Variants in MLLT10 observed in about 807,000 individuals in gnomAD.
MLLT10 encodes the protein protein AF-10.
Under a neutral mutation model 129.1 loss-of-function variants are expected in MLLT10, and 30 were observed. That is an observed-to-expected ratio of 0.23 (90% CI 0.17 to 0.32). The LOEUF (loss-of-function observed/expected upper bound fraction) is 0.32. Ranked by LOEUF, MLLT10 falls within the 10% of genes least tolerant of loss-of-function variation. MLLT10 has a pLI of 1.00. For missense variants in MLLT10, 1,119 were observed against 1,268.3 expected, an observed-to-expected ratio of 0.88 and a Z score of 1.79; for synonymous variants, 490 against 446.4, an observed-to-expected ratio of 1.10 and a Z score of -1.23.
At chr10:21,596,330 T>A (rs1179784283) in intron 5 of MLLT10, among the ~76,000 whole-genome samples, 1 of 152,146 alleles carries the variant, frequency 6.6e-6, no homozygotes, top group Non-Finnish European at 1.5e-5. Flanking sequence ...AGTCAATAAA[T>A]TGTGTTTCTG....
intron 8 of MLLT10, among the ~76,000 whole-genome samples, chr10:21,636,522 TA>T (rs1234759901): frequency 6.6e-6 from 1 of 152,168 alleles, no homozygotes; most frequent in Non-Finnish European, 1.5e-5. Context: ...AAAGCTGATC[TA>T]TATTTTTTAT....
At chr10:21,632,195 T>C (rs2047073669) in intron 8 of MLLT10, among the ~76,000 whole-genome samples, 1 of 152,186 alleles carries the variant, frequency 6.6e-6, no homozygotes, top group African/African-American at 2.4e-5. Context: ...AACAGTAATA[T>C]AGTGTGCATC....
At chr10:21,709,711 C>CTA (rs1379891220) in intron 13 of MLLT10, among the ~76,000 whole-genome samples, 1 of 152,082 alleles carries the variant, frequency 6.6e-6, no homozygotes, top group African/African-American at 2.4e-5. Flanking sequence ...TTTTCTGGCC[C>CTA]TCTTAGCCAA....
chr10:21,587,953 G>GACTTATTT (rs1349669903), intron 4 of MLLT10, among the ~76,000 whole-genome samples: 1 of 152,114 alleles, frequency 6.6e-6, no homozygotes, highest in Non-Finnish European at 1.5e-5. Context: ...TGTGAATAAA[G>GACTTATTT]ACTTATTTAC....
chr10:21,695,061 C>CTT (rs71393922), intron 13 of MLLT10, among the ~76,000 whole-genome samples: 66 of 104,034 alleles, frequency 6.3e-4, no homozygotes, highest in African/African-American at 1.9e-3. Flanking sequence ...TTTCTACCTT[C>CTT]TTTTTTTTTT....
chr10:21,645,119 C>T (rs969949676), intron 8 of MLLT10, among the ~76,000 whole-genome samples: 2 of 152,084 alleles, frequency 1.3e-5, no homozygotes, highest in Non-Finnish European at 2.9e-5. Flanking sequence ...TTGGGACTTT[C>T]GGTTATATTC....
intron 13 of MLLT10, among the ~76,000 whole-genome samples, chr10:21,683,833 G>A (rs1470602768): frequency 2.0e-5 from 3 of 151,420 alleles, no homozygotes; most frequent in South Asian, 2.1e-4. Flanking sequence ...TGCAACCTCC[G>A]CCTCCTGGGT....
In MLLT10 at chr10:21,612,703, A is replaced by C. The variant is rs528341744; in HGVS notation, c.509+252A>C. ...TAAGCTTCAGTTTCGTCTTGTTTAA[A>C]ATTTTGGTATTGATTACCTATCCTT... On this transcript the variant is annotated intron_variant, in intron 6 of 22. Transcript: ENST00000307729. 6.6e-5 allele frequency among the ~76,000 whole-genome samples: 10 copies of C among 152,240 alleles called. No individual in the cohort carries two copies. In the South Asian group the frequency reaches 2.1e-3, roughly 32 times the overall value.
chr10:21,633,035 GTA>G (rs1197901980), intron 8 of MLLT10, among the ~76,000 whole-genome samples: 1 of 152,122 alleles, frequency 6.6e-6, no homozygotes, highest in African/African-American at 2.4e-5. Flanking sequence ...TAAAAGATGT[GTA>G]TATGATTGTT....
chr10:21,687,224 A>G (rs887695313), intron 13 of MLLT10, among the ~76,000 whole-genome samples: 1 of 152,190 alleles, frequency 6.6e-6, no homozygotes, highest in African/African-American at 2.4e-5. Flanking sequence ...AGTTGATTTT[A>G]GAGGTGAACA....
chr10:21,696,289 G>A (rs147449963), intron 13 of MLLT10, among the ~76,000 whole-genome samples: 290 of 151,532 alleles, frequency 1.9e-3, no homozygotes, highest in South Asian at 0.015. Flanking sequence ...TTGTGGACTC[G>A]GGTATTTGTT....
chr10:21,719,283 CTTAA>C (rs1371156294), intron 14 of MLLT10, among the ~76,000 whole-genome samples: 1 of 152,128 alleles, frequency 6.6e-6, no homozygotes, highest in Non-Finnish European at 1.5e-5. Flanking sequence ...TATGTTTATA[CTTAA>C]TTAGTCAGAA....
intron 8 of MLLT10, chr10:21,625,794 C>T (rs2046372836): frequency 1.3e-6 from 1 of 768,270 alleles, no homozygotes; most frequent in Non-Finnish European, 2.4e-6. Flanking sequence ...TGTGCAGCTT[C>T]CTTTCCACAG....
intron 8 of MLLT10, among the ~76,000 whole-genome samples, chr10:21,641,882 T>G (rs1219772934): frequency 6.6e-6 from 1 of 152,212 alleles, no homozygotes; most frequent in East Asian, 1.9e-4. Flanking sequence ...ATTGGTTAAT[T>G]TAACAGTAGC....
At chr10:21,691,544 T>C (rs1200119921) in intron 13 of MLLT10, among the ~76,000 whole-genome samples, 1 of 152,066 alleles carries the variant, frequency 6.6e-6, no homozygotes, top group Non-Finnish European at 1.5e-5. Context: ...GCTTATAGCT[T>C]TGGCTTAGGA....
At chr10:21,668,940 A>AG in intron 9 of MLLT10, 1 of 1,312,286 alleles carries the variant, frequency 7.6e-7, no homozygotes, top group Non-Finnish European at 9.9e-7. Flanking sequence ...CAGATGTGAG[A>AG]GGAATGGAGA....
intron 8 of MLLT10, among the ~76,000 whole-genome samples, chr10:21,628,005 A>G (rs1055592172): frequency 1.4e-4 from 21 of 152,178 alleles, no homozygotes; most frequent in South Asian, 6.2e-4. Context: ...GCTTCTTCCA[A>G]TTTTCAGTTA....
chr10:21,549,939 C>A (rs898305389), intron 3 of MLLT10, among the ~76,000 whole-genome samples: 1 of 152,130 alleles, frequency 6.6e-6, no homozygotes, highest in East Asian at 1.9e-4. Flanking sequence ...GCGCCTAGCT[C>A]TGAGTTGTAC....
chr10:21,558,616 C>A (rs2038382915), intron 3 of MLLT10, among the ~76,000 whole-genome samples: 1 of 151,402 alleles, frequency 6.6e-6, no homozygotes, highest in South Asian at 2.1e-4. Context: ...GAACTCCTGG[C>A]CTCACGCAGT....
Sources: allele counts gnomAD v4.1 joint callset (sites outside exome capture counted in the v4.1 genomes callset), GRCh38; gene constraint gnomAD v4.1.1; transcripts MANE v1.5; gene names NCBI Gene and HGNC (gene_info 2026-07-23, HGNC 2026-07-21).